The following USH2A variants were observed in gnomAD, a reference collection of about 807,000 sequenced individuals.
USH2A encodes the protein Usher syndrome 2A (autosomal recessive, mild).
In USH2A, 443 loss-of-function variants were observed where a neutral mutation model predicts 538.9. The ratio of observed to expected loss-of-function variants is 0.82; its 90% CI spans 0.76 to 0.89. The LOEUF (loss-of-function observed/expected upper bound fraction) is 0.89. USH2A is among the 40% of genes least tolerant of loss of function. The pLI, the probability that USH2A is intolerant of heterozygous loss-of-function variation, is 0.00. For missense variants in USH2A, 6,633 were observed against 6,324.8 expected (o/e 1.05, Z -1.65); for synonymous variants, 2,413 against 2,273.5 (o/e 1.06, Z -1.75).
At position 216,422,544 on chromosome 1, in the gene USH2A, G is replaced by T; in HGVS notation, c.-204-4C>A. The T allele has an allele frequency of 1.6e-6, 1 of 636,708 alleles. No individual in the cohort carries two copies. The highest frequency in any genetic ancestry group is 2.6e-6 in the Non-Finnish European group (1 of 384,396). The allele number at this position is 636,708 out of a possible 1,614,324, so 39.4% of individuals were successfully genotyped here. Reference sequence around the variant, plus strand: ...AGACATGAGTAGCTGCTGGTATCTGGGAATCAAAAACGTAGGGCGTCAAGG... The same window carrying T: ...AGACATGAGTAGCTGCTGGTATCTGTGAATCAAAAACGTAGGGCGTCAAGG... On this transcript the variant is annotated splice_region_variant and splice_polypyrimidine_tract_variant and intron_variant, in intron 1 of 71. Transcript: ENST00000307340.
intron 32 of USH2A, among the ~76,000 whole-genome samples, chr1:216,012,914 T>G (rs1255076675): frequency 6.6e-6 from 1 of 152,152 alleles, no homozygotes; most frequent in African/African-American, 2.4e-5. Context: ...ATCTTCTGTC[T>G]AGTCATACTC....
intron 11 of USH2A, among the ~76,000 whole-genome samples, chr1:216,272,674 C>A (rs1292534689): frequency 6.6e-6 from 1 of 152,074 alleles, no homozygotes; most frequent in African/African-American, 2.4e-5. Flanking sequence ...GAGACTTAAA[C>A]TCCCAGAAAA....
rs190218733 is a variant in USH2A at position 216,166,021 on chromosome 1, T to C, written c.4627+9231A>G. ...GTATCATCGTTATGCCTTTGCGTCC[T>C]CATAGCTTAGCTCCCTGAACAACCT... is the stretch of plus-strand genomic sequence containing the variant. On this transcript the variant is annotated intron_variant, in intron 21 of 71. Coordinates refer to ENST00000307340, the MANE Select transcript of USH2A (RefSeq NM_206933.4). Among the ~76,000 whole-genome samples, 15 of 152,200 alleles carry C rather than the reference T, an allele frequency of 9.9e-5. No individual in the cohort carries two copies. In the East Asian group the frequency reaches 2.7e-3, roughly 27 times the overall value.
chr1:215,869,502 G>A (rs540281432), intron 43 of USH2A, among the ~76,000 whole-genome samples: 4 of 152,194 alleles, frequency 2.6e-5, no homozygotes, highest in African/African-American at 7.2e-5. Context: ...ATGATGAGTC[G>A]GGGTTAAGAG....
chr1:216,286,326 C>T lies in USH2A; in HGVS notation c.1971+2954G>A, dbSNP rs180846243. 1.6e-4 allele frequency among the ~76,000 whole-genome samples: 24 copies of T among 152,268 alleles called. No homozygotes were observed. The South Asian group carries it at 2.5e-3, about 16-fold the overall frequency. ...AAAGGGGCTTTCCCTGTTCCTCACT[C>T]GGCACTTCTCTCTTGCCTGCTGCCA... is the stretch of plus-strand genomic sequence containing the variant. On this transcript the variant is annotated intron_variant, in intron 11 of 71. Coordinates refer to ENST00000307340, the MANE Select transcript of USH2A (RefSeq NM_206933.4).
chr1:215,647,023 A>G (rs931007348), intron 67 of USH2A, among the ~76,000 whole-genome samples: 2 of 152,224 alleles, frequency 1.3e-5, no homozygotes, highest in African/African-American at 4.8e-5. Flanking sequence ...TTCTCAGAAC[A>G]TATTTCCATC....
chr1:215,624,768 T>C lies in USH2A; in HGVS notation c.*1013A>G, dbSNP rs755426365. 4 of 152,140 alleles carry C rather than the reference T, an allele frequency of 2.6e-5. No homozygotes were observed. The highest frequency in any genetic ancestry group is 5.9e-5 in the Non-Finnish European group (4 of 68,016). The allele number at this position is 152,140 out of a possible 1,614,324, so 9.4% of individuals were successfully genotyped here. ...AGAAGGGATATAGTGCAGAGTAATA[T>C]ATACATGATATACATATATATACAC... On this transcript the variant is annotated 3_prime_UTR_variant, in exon 72 of 72. Coordinates refer to ENST00000307340, the MANE Select transcript of USH2A (RefSeq NM_206933.4).
At chr1:216,167,394 T>A (rs1572015335) in intron 21 of USH2A, among the ~76,000 whole-genome samples, 1 of 152,114 alleles carries the variant, frequency 6.6e-6, no homozygotes, top group East Asian at 1.9e-4. Context: ...CCCAATGAGA[T>A]CTCAGGAGAT....
At chr1:216,203,575 C>T (rs2035046302) in intron 16 of USH2A, among the ~76,000 whole-genome samples, 1 of 152,006 alleles carries the variant, frequency 6.6e-6, no homozygotes, top group African/African-American at 2.4e-5. Context: ...AAAACAGTTG[C>T]CTGTCATCTT....
chr1:216,162,898 A>T (rs972806190), intron 21 of USH2A, among the ~76,000 whole-genome samples: 1 of 152,022 alleles, frequency 6.6e-6, no homozygotes, highest in Admixed American at 6.6e-5. Context: ...CAAGCACCCA[A>T]AAAAGAATTG....
At chr1:215,893,121 C>T (rs1665248370) in intron 40 of USH2A, among the ~76,000 whole-genome samples, 1 of 152,112 alleles carries the variant, frequency 6.6e-6, no homozygotes, top group Non-Finnish European at 1.5e-5. Context: ...TTGGGCAAAA[C>T]TTATCTGAAT....
intron 38 of USH2A, among the ~76,000 whole-genome samples, chr1:215,920,257 G>A (rs935414001): frequency 6.6e-6 from 1 of 151,986 alleles, no homozygotes; most frequent in Non-Finnish European, 1.5e-5. Context: ...GACAGCTAAT[G>A]CTTTTCCTAC....
chr1:215,790,276 A>T lies in USH2A; in HGVS notation c.9965T>A (p.Phe3322Tyr). The change falls in exon 51 of 72, where the codon TTC becomes TAC. Residue 3322 changes from phenylalanine to tyrosine, a missense_variant. Phe to Tyr is a conservative substitution (Grantham distance 22). Coordinates refer to ENST00000307340, the MANE Select transcript of USH2A (RefSeq NM_206933.4). Reference protein sequence around the residue: ...GVVYNRLPGMFCCGQDYVNMS... With the variant: ...GVVYNRLPGMYCCGQDYVNMS... ...ATTCACATAATCCTGCCCACAACAG[A>T]ACATACCTGCAACAATAAAATGTTA... 6.2e-7 allele frequency: 1 copy of T among 1,613,910 alleles called. No homozygotes were observed. Among genetic ancestry groups the T allele is most frequent in the Non-Finnish European group, 8.5e-7 (1 of 1,179,966 alleles).
chr1:215,764,637 T>G (rs1481835531), intron 56 of USH2A, among the ~76,000 whole-genome samples: 1 of 152,166 alleles, frequency 6.6e-6, no homozygotes. Context: ...CTTCTTTTAA[T>G]TCTTTCCATG....
Position 215,674,317 on chromosome 1 carries a change from G to T in USH2A, c.13594C>A (p.Pro4532Thr). The change falls in exon 63 of 72, where the codon CCC (proline) becomes ACC (threonine). Residue 4532 changes from proline (P) to threonine (T), a missense_variant. Coordinates refer to ENST00000307340, the MANE Select transcript of USH2A (RefSeq NM_206933.4). The part of the protein sequence containing the change: ...LVKDRTSPSA[P>T]SGMEPPKLQA... Reference sequence around the variant, plus strand: ...AATTTTGGAGGTTCCATCCCTGAGGGTGCTGAGGGGCTGGTTCGATCTTTG... The same window carrying T: ...AATTTTGGAGGTTCCATCCCTGAGGTTGCTGAGGGGCTGGTTCGATCTTTG... The T allele has an allele frequency of 6.2e-7, 1 of 1,613,940 alleles. No homozygotes were observed. The highest frequency in any genetic ancestry group is 8.5e-7 in the Non-Finnish European group (1 of 1,179,950).
chr1:216,035,050 G>C (rs148784281), intron 32 of USH2A, among the ~76,000 whole-genome samples: 139 of 152,194 alleles, frequency 9.1e-4, no homozygotes, highest in African/African-American at 3.2e-3. Flanking sequence ...TTACTGTCAT[G>C]GGCCATATCC....
chr1:216,103,307 A>G (rs2032639137), intron 21 of USH2A, among the ~76,000 whole-genome samples: 1 of 152,244 alleles, frequency 6.6e-6, no homozygotes, highest in African/African-American at 2.4e-5. Flanking sequence ...ACTTTTCTGT[A>G]TGTATGTTAG....
chr1:216,208,838 C>T (rs1429742976), intron 15 of USH2A, among the ~76,000 whole-genome samples: 7 of 152,148 alleles, frequency 4.6e-5, no homozygotes, highest in African/African-American at 1.7e-4. Flanking sequence ...GCCTAATTCC[C>T]CCAGCAATGC....
At chr1:216,183,801 G>C (rs1375587371) in intron 20 of USH2A, among the ~76,000 whole-genome samples, 5 of 151,928 alleles carry the variant, frequency 3.3e-5, no homozygotes. Context: ...GAATTTTTCA[G>C]TTATATTGCA....
Sources: gnomAD v4.1 joint callset for allele counts (sites outside exome capture counted in the v4.1 genomes callset) on GRCh38, gnomAD v4.1.1 for gene constraint, MANE v1.5 for transcripts, NCBI Gene and HGNC (gene_info 2026-07-23, HGNC 2026-07-21) for gene names.